The following BCL2L1 variants were observed in gnomAD, a reference collection of about 807,000 sequenced individuals.
BCL2L1 encodes the protein bcl-2-like protein 1.
BCL2L1 carries 1 observed loss-of-function variant against 18.7 expected under a neutral mutation model. The observed-to-expected ratio is 0.05, with a 90% CI of 0.02 to 0.25. BCL2L1 has a LOEUF of 0.25. Ranked by LOEUF, BCL2L1 falls within the 10% of genes least tolerant of loss-of-function variation. BCL2L1 has a pLI of 1.00. For synonymous variants in BCL2L1, 103 were observed against 122.7 expected (o/e 0.84, Z 1.06); for missense variants, 207 against 304.9 (o/e 0.68, Z 2.39).
At chr20:31,684,688 C>T (rs183695928) in intron 2 of BCL2L1, among the ~76,000 whole-genome samples, 15 of 152,340 alleles carry the variant, frequency 9.8e-5, no homozygotes, top group African/African-American at 3.1e-4. Flanking sequence ...AAACCCACTC[C>T]ACCCATATGA....
At chr20:31,702,403 T>C (rs111778547) in intron 2 of BCL2L1, among the ~76,000 whole-genome samples, 1,985 of 152,134 alleles carry the variant, frequency 0.013, 39 homozygotes, top group African/African-American at 0.046. Context: ...GAGGCTGAGG[T>C]GGGCAGATCA....
chr20:31,700,423 C>T (rs1457547565), intron 2 of BCL2L1, among the ~76,000 whole-genome samples: 1 of 152,170 alleles, frequency 6.6e-6, no homozygotes, highest in Non-Finnish European at 1.5e-5. Flanking sequence ...TATTGGGATA[C>T]CAGGGCTGCC....
intron 2 of BCL2L1, among the ~76,000 whole-genome samples, chr20:31,677,704 C>T (rs960580919): frequency 6.6e-6 from 1 of 152,192 alleles, no homozygotes; most frequent in African/African-American, 2.4e-5. Context: ...CTTCATTCCT[C>T]ACATGCCATG....
upstream of BCL2L1, chr20:31,723,797 G>C (rs748293665): frequency 7.1e-6 from 7 of 985,344 alleles, no homozygotes; most frequent in Non-Finnish European, 7.2e-6. Context: ...GCTTCCAGAC[G>C]CAAGAGCTCT....
At chr20:31,706,769 G>A (rs992375059) in intron 2 of BCL2L1, among the ~76,000 whole-genome samples, 1 of 152,250 alleles carries the variant, frequency 6.6e-6, no homozygotes, top group Non-Finnish European at 1.5e-5. Flanking sequence ...CTTTAGTCAA[G>A]GAGTAGCAAC....
chr20:31,669,666 C>T (rs2060637607), intron 2 of BCL2L1, among the ~76,000 whole-genome samples: 2 of 151,830 alleles, frequency 1.3e-5, no homozygotes, highest in African/African-American at 4.8e-5. Flanking sequence ...TCTCAAACTC[C>T]TGACCTCAAG....
At chr20:31,716,074 T>C (rs2061531203) in intron 2 of BCL2L1, among the ~76,000 whole-genome samples, 1 of 152,166 alleles carries the variant, frequency 6.6e-6, no homozygotes, top group South Asian at 2.1e-4. Flanking sequence ...CCCATATTCT[T>C]TTCTGTAGCT....
intron 2 of BCL2L1, among the ~76,000 whole-genome samples, chr20:31,696,082 G>A (rs940488807): frequency 6.6e-6 from 1 of 152,154 alleles, no homozygotes; most frequent in Admixed American, 6.5e-5. Context: ...GCCTAGCCCT[G>A]ACATGTTAAT....
chr20:31,677,159 C>T (rs956213603), intron 2 of BCL2L1, among the ~76,000 whole-genome samples: 6 of 150,542 alleles, frequency 4.0e-5, no homozygotes, highest in South Asian at 4.2e-4. Context: ...CTGTAAAATG[C>T]GGATTAAAAA....
intron 2 of BCL2L1, among the ~76,000 whole-genome samples, chr20:31,667,484 C>T (rs2060605219): frequency 2.2e-5 from 3 of 135,266 alleles, no homozygotes; most frequent in African/African-American, 6.1e-5. Flanking sequence ...ACCATAGTAC[C>T]GTGTGTGTGT....
Position 31,713,632 on chromosome 20 carries a change from G to A in BCL2L1, c.564+8023C>T, listed in dbSNP as rs537621475. 134 of 966,800 alleles carry A rather than the reference G, an allele frequency of 1.4e-4. 1 individual carries two copies. In the South Asian group the frequency reaches 2.3e-3, roughly 17 times the overall value. 59.9% of individuals were successfully genotyped at this position (966,800 alleles called of 1,614,324 possible). A position where few individuals can be genotyped will look rare whatever the true frequency, so the allele number is the denominator to read the frequency against. ...TCAGGGATGAAACCAAATAGCAGAC[G>A]GTCCCAAAGGCAGTTTCTTTATACA... On this transcript the variant is annotated intron_variant, in intron 2 of 2. Transcript: ENST00000307677.
In BCL2L1 at chr20:31,672,464, C is replaced by T. The variant is rs1338320012; in HGVS notation, c.565-6378G>A. On this transcript the variant is annotated intron_variant, in intron 2 of 2. Coordinates refer to ENST00000307677, the MANE Select transcript of BCL2L1 (RefSeq NM_138578.3). ...GGGCAACAAGAGCAAAACCCTGTCT[C>T]AAAAAAAAAAAAAAGCCTGTTTTAG... Among the ~76,000 whole-genome samples, 12 of 115,518 alleles carry T rather than the reference C, an allele frequency of 1.0e-4. No individual in the cohort carries two copies. In the East Asian group the frequency reaches 3.0e-3, roughly 28 times the overall value. The allele number at this position is 115,518 out of a possible 152,430, so 75.8% of individuals were successfully genotyped here.
chr20:31,699,926 C>T (rs182592379), intron 2 of BCL2L1, among the ~76,000 whole-genome samples: 8 of 152,284 alleles, frequency 5.3e-5, no homozygotes, highest in Admixed American at 2.6e-4. Context: ...GAAAGATCAC[C>T]TCCATCTATA....
At chr20:31,679,200 G>T (rs2060814646) in intron 2 of BCL2L1, among the ~76,000 whole-genome samples, 1 of 152,176 alleles carries the variant, frequency 6.6e-6, no homozygotes, top group African/African-American at 2.4e-5. Context: ...AGGGTACTTT[G>T]CCTGATGTCG....
intron 2 of BCL2L1, among the ~76,000 whole-genome samples, chr20:31,698,168 G>A (rs750699856): frequency 2.6e-5 from 4 of 152,072 alleles, no homozygotes; most frequent in Admixed American, 6.6e-5. Flanking sequence ...GATGACAGGC[G>A]TGAACCATCG....
At chr20:31,671,867 A>G (rs1474117318) in intron 2 of BCL2L1, among the ~76,000 whole-genome samples, 1 of 149,124 alleles carries the variant, frequency 6.7e-6, no homozygotes, top group African/African-American at 2.4e-5. Flanking sequence ...CCATATATAT[A>G]CACACAATAT....
At chr20:31,723,843 C>T (rs889962948), upstream of BCL2L1, 39 of 985,448 alleles carry the variant, frequency 4.0e-5, no homozygotes, top group Non-Finnish European at 4.7e-5. Flanking sequence ...CCCGGGCCGG[C>T]CTACCTGGCT....
intron 2 of BCL2L1, among the ~76,000 whole-genome samples, chr20:31,719,122 G>T (rs1047298374): frequency 1.3e-5 from 2 of 152,190 alleles, no homozygotes; most frequent in African/African-American, 4.8e-5. Context: ...GAAACAGCAT[G>T]CCGTTTCCAT....
At chr20:31,701,455 T>C (rs1384062259) in intron 2 of BCL2L1, among the ~76,000 whole-genome samples, 2 of 152,258 alleles carry the variant, frequency 1.3e-5, no homozygotes, top group Admixed American at 6.5e-5. Flanking sequence ...TTTTGTAACA[T>C]ACATTTGTGT....
Sources: allele counts gnomAD v4.1 joint callset (sites outside exome capture counted in the v4.1 genomes callset), GRCh38; gene constraint gnomAD v4.1.1; transcripts MANE v1.5; gene names NCBI Gene and HGNC (gene_info 2026-07-23, HGNC 2026-07-21).